Variants in ANGPT1 observed in about 807,000 individuals in gnomAD.
ANGPT1 encodes angiopoietin 1, also known as angiopoietin-1.
A neutral mutation model predicts 62.2 loss-of-function variants in ANGPT1; 17 were observed. The observed-to-expected ratio is 0.27, with a 90% CI of 0.19 to 0.41. The LOEUF is 0.41. Ranked by LOEUF, ANGPT1 falls within the 10% of genes least tolerant of loss-of-function variation. The pLI, the probability that ANGPT1 is intolerant of heterozygous loss-of-function variation, is 1.00. For missense variants in ANGPT1, 478 were observed against 594.9 expected, an observed-to-expected ratio of 0.80 and a Z score of 2.04; for synonymous variants, 199 against 198.9, an observed-to-expected ratio of 1.00 and a Z score of 0.00.
At chr8:107,281,933 G>A (rs566727204) in intron 7 of ANGPT1, among the ~76,000 whole-genome samples, 3 of 151,880 alleles carry the variant, frequency 2.0e-5, no homozygotes, top group South Asian at 2.1e-4. Context: ...TCAGAGGGAC[G>A]AGACATGAAT....
At chr8:107,491,113 CAT>C (rs1812942316) in intron 1 of ANGPT1, among the ~76,000 whole-genome samples, 1 of 151,492 alleles carries the variant, frequency 6.6e-6, no homozygotes, top group Non-Finnish European at 1.5e-5. Flanking sequence ...ATGCTGTAAG[CAT>C]TGTGCTAGAA....
At chr8:107,355,250 C>T (rs933858039) in intron 1 of ANGPT1, among the ~76,000 whole-genome samples, 9 of 152,034 alleles carry the variant, frequency 5.9e-5, no homozygotes, top group Non-Finnish European at 1.0e-4. Flanking sequence ...TCCCGCTTCC[C>T]TCTCTCCCTA....
intron 7 of ANGPT1, among the ~76,000 whole-genome samples, chr8:107,273,404 C>A (rs1399807915): frequency 3.3e-5 from 5 of 152,026 alleles, no homozygotes; most frequent in African/African-American, 1.2e-4. Context: ...CATGCATTAG[C>A]AGATTCTTCT....
intron 1 of ANGPT1, among the ~76,000 whole-genome samples, chr8:107,415,167 T>C (rs1441196588): frequency 6.6e-6 from 1 of 152,190 alleles, no homozygotes; most frequent in Non-Finnish European, 1.5e-5. Flanking sequence ...TGCTTGTCAG[T>C]GATTCTGGTC....
At chr8:107,470,241 AAT>A (rs1314972636) in intron 1 of ANGPT1, among the ~76,000 whole-genome samples, 1 of 152,078 alleles carries the variant, frequency 6.6e-6, no homozygotes, top group African/African-American at 2.4e-5. Context: ...AAAGGAAATT[AAT>A]ATGTTTTTGA....
At chr8:107,262,089 G>A (rs7824509) in intron 8 of ANGPT1, among the ~76,000 whole-genome samples, 1 of 152,108 alleles carries the variant, frequency 6.6e-6, no homozygotes, top group African/African-American at 2.4e-5. Flanking sequence ...CAGCTACTCA[G>A]GAGGCTGAGG....
At chr8:107,325,773 A>G (rs1248186580) in intron 3 of ANGPT1, among the ~76,000 whole-genome samples, 36 of 152,078 alleles carry the variant, frequency 2.4e-4, no homozygotes, top group Admixed American at 2.4e-3. Flanking sequence ...TTTTTGCATC[A>G]GTGTTTTTCT....
At chr8:107,291,866 A>T (rs1586193456) in intron 6 of ANGPT1, among the ~76,000 whole-genome samples, 1 of 121,232 alleles carries the variant, frequency 8.2e-6, no homozygotes, top group African/African-American at 3.2e-5. Context: ...AAAGATAATG[A>T]TATACTTTCT....
intron 1 of ANGPT1, among the ~76,000 whole-genome samples, chr8:107,495,726 A>G (rs1813075204): frequency 6.6e-6 from 1 of 152,190 alleles, no homozygotes; most frequent in Non-Finnish European, 1.5e-5. Flanking sequence ...AACCAAAATC[A>G]TTTGTTTACA....
intron 2 of ANGPT1, among the ~76,000 whole-genome samples, chr8:107,339,860 G>A (rs530957048): frequency 3.3e-5 from 5 of 152,338 alleles, no homozygotes; most frequent in African/African-American, 1.2e-4. Flanking sequence ...AGTGATGACA[G>A]TCTAAATCTA....
chr8:107,433,168 G>A (rs930613496), intron 1 of ANGPT1, among the ~76,000 whole-genome samples: 33 of 152,076 alleles, frequency 2.2e-4, no homozygotes, highest in Non-Finnish European at 4.6e-4. Context: ...AATTGGGCTG[G>A]TTGTTTTTTT....
intron 1 of ANGPT1, among the ~76,000 whole-genome samples, chr8:107,424,513 G>A (rs1810984829): frequency 6.6e-6 from 1 of 152,054 alleles, no homozygotes; most frequent in Non-Finnish European, 1.5e-5. Context: ...CAGATTAGCT[G>A]ATATAAACCT....
chr8:107,411,612 A>C (rs756456536), intron 1 of ANGPT1, among the ~76,000 whole-genome samples: 2 of 152,210 alleles, frequency 1.3e-5, no homozygotes, highest in African/African-American at 2.4e-5. Context: ...TGAAAACCAA[A>C]GTAAAATGAA....
intron 1 of ANGPT1, among the ~76,000 whole-genome samples, chr8:107,365,736 G>T (rs1429993902): frequency 6.6e-6 from 1 of 152,000 alleles, no homozygotes; most frequent in East Asian, 1.9e-4. Flanking sequence ...AATAAGATTG[G>T]TTCTTCTCAG....
chr8:107,258,656 A>C (rs1352659439), intron 8 of ANGPT1, among the ~76,000 whole-genome samples: 1 of 152,126 alleles, frequency 6.6e-6, no homozygotes, highest in Non-Finnish European at 1.5e-5. Flanking sequence ...GTAATCTTAA[A>C]CTTTGCATTT....
At chr8:107,338,619 G>A (rs760357580) in intron 2 of ANGPT1, among the ~76,000 whole-genome samples, 5 of 152,154 alleles carry the variant, frequency 3.3e-5, no homozygotes, top group Non-Finnish European at 5.9e-5. Flanking sequence ...GGGTTTCAGC[G>A]TTTTAAAAAA....
At position 107,249,855 on chromosome 8, in the gene ANGPT1, A is replaced by T. The variant is rs1813209979; in HGVS notation, c.*2000T>A. 6.6e-6 allele frequency: 1 copy of T among 152,576 alleles called. No homozygotes were observed. The highest frequency in any genetic ancestry group is 1.5e-5 in the Non-Finnish European group (1 of 68,024). 9.5% of individuals were successfully genotyped at this position (152,576 alleles called of 1,614,324 possible). On this transcript the variant is annotated 3_prime_UTR_variant, in exon 9 of 9. Coordinates refer to ENST00000517746, the MANE Select transcript of ANGPT1 (RefSeq NM_001146.5). ...CTGGTTTAAGAAAGTGTCTGTAGGA[A>T]CACAAAAGGACAAAATACTCATTTT...
intron 2 of ANGPT1, among the ~76,000 whole-genome samples, chr8:107,343,543 A>G (rs1192475966): frequency 1.3e-5 from 2 of 152,202 alleles, no homozygotes; most frequent in African/African-American, 4.8e-5. Flanking sequence ...TGGATTTCAG[A>G]GCACAGCCAT....
chr8:107,430,548 TG>T, intron 1 of ANGPT1, among the ~76,000 whole-genome samples: 1 of 152,224 alleles, frequency 6.6e-6, no homozygotes, highest in East Asian at 1.9e-4. Flanking sequence ...TTGGAACTTG[TG>T]ACTATGTTAC....
Sources: gnomAD v4.1 joint callset for allele counts (sites outside exome capture counted in the v4.1 genomes callset) on GRCh38, gnomAD v4.1.1 for gene constraint, MANE v1.5 for transcripts, NCBI Gene and HGNC (gene_info 2026-07-23, HGNC 2026-07-21) for gene names.